TTC28: variants seen among roughly 807,000 people sequenced by gnomAD.
TTC28 encodes the protein tetratricopeptide repeat domain 28.
In TTC28, 61 loss-of-function variants were observed where a neutral mutation model predicts 198.0. The ratio of observed to expected loss-of-function variants is 0.31; its 90% CI spans 0.25 to 0.38. The LOEUF (loss-of-function observed/expected upper bound fraction) is 0.38, where lower values mean the gene tolerates loss of function less well. TTC28 is among the 10% of genes least tolerant of loss of function. The pLI, the probability that TTC28 is intolerant of heterozygous loss-of-function variation, is 1.00. For missense variants in TTC28, 2,678 were observed against 3,164.0 expected (o/e 0.85, Z 3.69); for synonymous variants, 1,171 against 1,297.8 (o/e 0.90, Z 2.10).
At chr22:28,601,777 GACACACACACACACACACAC>G (rs34208241) in intron 2 of TTC28, among the ~76,000 whole-genome samples, 1 of 141,484 alleles carries the variant, frequency 7.1e-6, no homozygotes, top group Non-Finnish European at 1.5e-5. Flanking sequence ...GTAAACCCTA[GACACACACACACACACACAC>G]ACACACACAC....
At chr22:28,629,953 TG>T in intron 1 of TTC28, 123 bp from the exon 2 acceptor site, 5 of 815,334 alleles carry the variant, frequency 6.1e-6, no homozygotes, top group Non-Finnish European at 7.6e-6. Context: ...GTATTGGAGG[TG>T]GGGCCTAATG....
At chr22:28,308,141 T>C (rs540226246) in intron 2 of TTC28, among the ~76,000 whole-genome samples, 6 of 152,282 alleles carry the variant, frequency 3.9e-5, no homozygotes, top group Non-Finnish European at 8.8e-5. Flanking sequence ...CCCAGTAAGA[T>C]AATAACCTGT....
At chr22:28,336,414 T>C (rs1231382215) in intron 2 of TTC28, among the ~76,000 whole-genome samples, 1 of 152,202 alleles carries the variant, frequency 6.6e-6, no homozygotes, top group Non-Finnish European at 1.5e-5. Context: ...GAAGGAATGG[T>C]ACCAGTTCCT....
chr22:27,984,161 G>A (rs925058006), intron 22 of TTC28, among the ~76,000 whole-genome samples: 1 of 152,048 alleles, frequency 6.6e-6, no homozygotes, highest in Non-Finnish European at 1.5e-5. Context: ...GCCTTCCTCT[G>A]AGCAGGGCTG....
At chr22:28,550,627 A>G (rs2049649755) in intron 2 of TTC28, among the ~76,000 whole-genome samples, 1 of 152,186 alleles carries the variant, frequency 6.6e-6, no homozygotes, top group South Asian at 2.1e-4. Context: ...AAAAACTATA[A>G]AAAGAGAAAA....
In TTC28 at chr22:28,028,982, A is replaced by G. The variant is rs1259704960; in HGVS notation, c.4073+1244T>C. The G allele has an allele frequency of 6.4e-6, 3 of 470,964 alleles. No homozygotes were observed. The Admixed American group carries it at 7.0e-5, about 11-fold the overall frequency. The allele number at this position is 470,964 out of a possible 1,614,324, so 29.2% of individuals were successfully genotyped here. A position where few individuals can be genotyped will look rare whatever the true frequency, so the allele number is the denominator to read the frequency against. On this transcript the variant is annotated intron_variant, in intron 13 of 22. Transcript: ENST00000397906. Reference sequence around the variant, plus strand: ...CCAGAGGCTGCACTCTGAGCTCTTCACACTCTAGTTTATCACCACAGCCTG... The same window carrying G: ...CCAGAGGCTGCACTCTGAGCTCTTCGCACTCTAGTTTATCACCACAGCCTG...
chr22:28,421,495 G>A (rs915060766), intron 2 of TTC28, among the ~76,000 whole-genome samples: 1 of 152,070 alleles, frequency 6.6e-6, no homozygotes, highest in Non-Finnish European at 1.5e-5. Flanking sequence ...TGACTAATGA[G>A]ACTGGAATGT....
chr22:28,592,413 G>C (rs2050450598), intron 2 of TTC28, among the ~76,000 whole-genome samples: 1 of 152,020 alleles, frequency 6.6e-6, no homozygotes, highest in African/African-American at 2.4e-5. Context: ...CACTTTGGGA[G>C]GCCTAGATGG....
intron 2 of TTC28, among the ~76,000 whole-genome samples, chr22:28,548,286 T>C (rs2049586403): frequency 6.6e-6 from 1 of 152,160 alleles, no homozygotes; most frequent in South Asian, 2.1e-4. Context: ...AAATATATGT[T>C]TTAACCATGA....
chr22:28,556,084 C>A (rs2049781407), intron 2 of TTC28, among the ~76,000 whole-genome samples: 1 of 151,746 alleles, frequency 6.6e-6, no homozygotes, highest in Non-Finnish European at 1.5e-5. Context: ...TTCAGCTGGG[C>A]ACAGTGGCTC....
chr22:28,413,213 A>T (rs1351416122), intron 2 of TTC28, among the ~76,000 whole-genome samples: 2 of 152,078 alleles, frequency 1.3e-5, no homozygotes, highest in Non-Finnish European at 2.9e-5. Flanking sequence ...AGGCGGGCGG[A>T]TGACGAGGTC....
chr22:28,297,505 T>C, intron 4 of TTC28, 75 bp downstream of exon 4: 1 of 1,471,468 alleles, frequency 6.8e-7, no homozygotes, highest in Non-Finnish European at 9.1e-7. Context: ...TCATTGCATA[T>C]TATTCTCATT....
At chr22:28,544,098 G>A (rs1280043804) in intron 2 of TTC28, among the ~76,000 whole-genome samples, 4 of 152,156 alleles carry the variant, frequency 2.6e-5, no homozygotes, top group Non-Finnish European at 4.4e-5. Flanking sequence ...GCGGGCACCT[G>A]TAATCCCAGC....
At chr22:28,068,520 T>C (rs1019522294) in intron 12 of TTC28, among the ~76,000 whole-genome samples, 7 of 152,208 alleles carry the variant, frequency 4.6e-5, no homozygotes, top group Admixed American at 1.3e-4. Flanking sequence ...CCCTGTTTTT[T>C]AGTCTCAGCG....
chr22:28,364,535 T>A (rs756687532), intron 2 of TTC28, among the ~76,000 whole-genome samples: 2 of 152,242 alleles, frequency 1.3e-5, no homozygotes, highest in Non-Finnish European at 2.9e-5. Flanking sequence ...AAAGTCAATT[T>A]AAAACCTTCT....
At chr22:28,024,749 C>A (rs1319413915) in intron 13 of TTC28, among the ~76,000 whole-genome samples, 3 of 152,214 alleles carry the variant, frequency 2.0e-5, no homozygotes, top group Non-Finnish European at 2.9e-5. Context: ...TCAAGATAGG[C>A]AGGGACAGGA....
Position 28,449,410 on chromosome 22 carries a change from T to C in TTC28, c.382-142767A>G, listed in dbSNP as rs73428080. ...ACAGTACAATAATAGCTATCATTTA[T>C]TGAGTATGTACCAAGCATTGAAATA... On this transcript the variant is annotated intron_variant, in intron 2 of 22. Transcript: ENST00000397906. Among the ~76,000 whole-genome samples the C allele has an allele frequency of 1.9e-3, 294 of 152,360 alleles. 1 individual carries two copies. Among genetic ancestry groups the C allele is most frequent in the African/African-American group, 6.4e-3 (266 of 41,586 alleles).
intron 22 of TTC28, among the ~76,000 whole-genome samples, chr22:27,984,849 G>C (rs1454081691): frequency 6.6e-6 from 1 of 152,230 alleles, no homozygotes; most frequent in Admixed American, 6.5e-5. Flanking sequence ...ACTGTAGCCA[G>C]CTTGGCCCTT....
At chr22:28,435,056 GAGATATCTACC>G (rs71316839) in intron 2 of TTC28, among the ~76,000 whole-genome samples, 177 of 152,276 alleles carry the variant, frequency 1.2e-3, no homozygotes, top group Non-Finnish European at 1.9e-3. Flanking sequence ...TTCAAATTGA[GAGATATCTACC>G]AGCAAAAAAG....
Sources: allele counts gnomAD v4.1 joint callset (sites outside exome capture counted in the v4.1 genomes callset), GRCh38; gene constraint gnomAD v4.1.1; transcripts MANE v1.5; gene names NCBI Gene and HGNC (gene_info 2026-07-23, HGNC 2026-07-21).